Variants in EPS8 observed in about 807,000 individuals in gnomAD.
The protein encoded by EPS8 is epidermal growth factor receptor kinase substrate 8.
In EPS8, 42 loss-of-function variants were observed where a neutral mutation model predicts 103.8. The ratio of observed to expected loss-of-function variants is 0.40; its 90% CI spans 0.32 to 0.52. The LOEUF (loss-of-function observed/expected upper bound fraction) is 0.52. Ranked by LOEUF, EPS8 falls within the 20% of genes least tolerant of loss-of-function variation. The pLI, the probability that EPS8 is intolerant of heterozygous loss-of-function variation, is 0.40. For missense variants in EPS8, 969 were observed against 1,005.1 expected (o/e 0.96, Z 0.49); for synonymous variants, 344 against 344.6 (o/e 1.00, Z 0.02).
chr12:15,654,275 C>T lies in EPS8; in HGVS notation c.1120G>A (p.Gly374Ser). 1 of 1,613,176 alleles carries T rather than the reference C, an allele frequency of 6.2e-7. No homozygotes were observed. Among genetic ancestry groups the T allele is most frequent in the South Asian group, 1.1e-5 (1 of 91,034 alleles). ...AGTACTGAACTGGCTAGTTCAGGAC[C>T]TCCTGTTGCCTGCACCACCTAAGAT... Reference protein sequence around the residue: ...PLNMVVQATGGPELASSVLSP... With the variant: ...PLNMVVQATGSPELASSVLSP... Residue 374 changes from glycine (G) to serine (S), a missense_variant, in exon 13 of 21, where the codon GGT becomes AGT. Transcript: ENST00000281172.
chr12:15,647,560 C>G (rs886933393), intron 14 of EPS8, among the ~76,000 whole-genome samples: 18 of 152,176 alleles, frequency 1.2e-4, no homozygotes, highest in Non-Finnish European at 2.4e-4. Flanking sequence ...TAAAATTATA[C>G]CGGCTTCTCA....
chr12:15,653,923 C>T (rs1945461386), intron 13 of EPS8, among the ~76,000 whole-genome samples: 1 of 152,182 alleles, frequency 6.6e-6, no homozygotes, highest in Non-Finnish European at 1.5e-5. Flanking sequence ...TCCCCCTTGC[C>T]AACCAACAGC....
In EPS8 at chr12:15,778,412, CA is replaced by C. The variant is rs1286155432; in HGVS notation, c.-22+10748del. 1.3e-5 allele frequency among the ~76,000 whole-genome samples: 2 copies of C among 152,132 alleles called. No homozygotes were observed. Among genetic ancestry groups the C allele is most frequent in the Non-Finnish European group, 2.9e-5 (2 of 68,028 alleles). On this transcript the variant is annotated intron_variant, in intron 1 of 20. Transcript: ENST00000281172. The surrounding 1 kb of genome is among the most constrained non-coding windows in gnomAD (Gnocchi z 4.5). ...TTATTCAGAATCTAACAAGGCCCCACAAAGGAGCTAAATAAAAGAACTACTG... is the reference window on the plus strand; with the variant it reads ...TTATTCAGAATCTAACAAGGCCCCACAAGGAGCTAAATAAAAGAACTACTG...
chr12:15,665,740 T>C lies in EPS8; in HGVS notation c.736+16A>G. The C allele has an allele frequency of 6.2e-7, 1 of 1,613,168 alleles. No individual in the cohort carries two copies. The highest frequency in any genetic ancestry group is 8.5e-7 in the Non-Finnish European group (1 of 1,179,656). On this transcript the variant is annotated intron_variant, in intron 8 of 20. Coordinates refer to ENST00000281172, the MANE Select transcript of EPS8 (RefSeq NM_004447.6). ...AAAGTAAGTGTTCAATAAGTATTAA[T>C]TCTAGGAAGACTCACAGTCCCCTTG...
In EPS8 at chr12:15,717,861, G is replaced by T. The variant is rs750003853; in HGVS notation, c.-21-34889C>A. 1.3e-5 allele frequency among the ~76,000 whole-genome samples: 2 copies of T among 152,116 alleles called. No individual in the cohort carries two copies. Among genetic ancestry groups the T allele is most frequent in the South Asian group, 2.1e-4 (1 of 4,830 alleles). ...GGCAATGTTTAGGAATGCATTAAGG[G>T]AAACACCACACAAACTTATTTGATT... On this transcript the variant is annotated intron_variant, in intron 1 of 20. Transcript: ENST00000281172. This position sits in a 1 kb window ranked among gnomAD's most constrained non-coding sequence, Gnocchi z 4.3.
At position 15,781,472 on chromosome 12, in the gene EPS8, G is replaced by T. The variant is rs1026404718; in HGVS notation, c.-22+7689C>A. Among the ~76,000 whole-genome samples, 2 of 152,016 alleles carry T rather than the reference G, an allele frequency of 1.3e-5. No individual in the cohort carries two copies. Among genetic ancestry groups the T allele is most frequent in the African/African-American group, 4.8e-5 (2 of 41,378 alleles). Reference sequence around the variant, plus strand: ...GACACAAGTCACTTTTTCTTTCTGGGCCTATTCCTTTATCTGTAATTCTGA... The same window carrying T: ...GACACAAGTCACTTTTTCTTTCTGGTCCTATTCCTTTATCTGTAATTCTGA... On this transcript the variant is annotated intron_variant, in intron 1 of 20. Coordinates refer to ENST00000281172, the MANE Select transcript of EPS8 (RefSeq NM_004447.6). This position sits in a 1 kb window ranked among gnomAD's most constrained non-coding sequence, Gnocchi z 4.1.
Position 15,759,014 on chromosome 12 carries a change from TAC to T in EPS8, c.-22+30145_-22+30146del, listed in dbSNP as rs571415305. On this transcript the variant is annotated intron_variant, in intron 1 of 20. Coordinates refer to ENST00000281172, the MANE Select transcript of EPS8 (RefSeq NM_004447.6). This position sits in a 1 kb window ranked among gnomAD's most constrained non-coding sequence, Gnocchi z 4.9. Reference sequence around the variant, plus strand: ...CTCCAGCCTGGATTCTGGATTCTTCTACAGATTTTTTTTTAAAATTTTTTAAT... The same window carrying T: ...CTCCAGCCTGGATTCTGGATTCTTCTAGATTTTTTTTTAAAATTTTTTAAT... Among the ~76,000 whole-genome samples, 33 of 152,250 alleles carry T rather than the reference TAC, an allele frequency of 2.2e-4. No homozygotes were observed. The highest frequency in any genetic ancestry group is 7.7e-4 in the African/African-American group (32 of 41,566).
chr12:15,697,474 G>A lies in EPS8; in HGVS notation c.-21-14502C>T, dbSNP rs1946258292. Reference sequence around the variant, plus strand: ...TTACATGTGTCATTTTCTTTTAATTGTCACAACTGCCTCATGAAGTAGGAA... The same window carrying A: ...TTACATGTGTCATTTTCTTTTAATTATCACAACTGCCTCATGAAGTAGGAA... On this transcript the variant is annotated intron_variant, in intron 1 of 20. Coordinates refer to ENST00000281172, the MANE Select transcript of EPS8 (RefSeq NM_004447.6). The surrounding 1 kb of genome is among the most constrained non-coding windows in gnomAD (Gnocchi z 5.6). 6.6e-6 allele frequency among the ~76,000 whole-genome samples: 1 copy of A among 152,172 alleles called. No homozygotes were observed. The highest frequency in any genetic ancestry group is 1.5e-5 in the Non-Finnish European group (1 of 68,034).
intron 1 of EPS8, among the ~76,000 whole-genome samples, chr12:15,758,517 G>T (rs567565423): frequency 2.6e-5 from 4 of 152,146 alleles, no homozygotes; most frequent in Admixed American, 2.0e-4. Flanking sequence ...GGTATGTAAG[G>T]AACTGAATTA....
chr12:15,657,131 C>A (rs923906771), intron 12 of EPS8, among the ~76,000 whole-genome samples: 11 of 152,162 alleles, frequency 7.2e-5, no homozygotes, highest in Non-Finnish European at 5.9e-5. Flanking sequence ...CTGCTGATAT[C>A]ATCTCTTTCT....
rs112331214 is a variant in EPS8 at position 15,735,027 on chromosome 12, T to TA, written c.-21-52056dup. Among the ~76,000 whole-genome samples, 1,698 of 152,260 alleles carry TA rather than the reference T, an allele frequency of 0.011. 28 individuals are homozygous for TA. The highest frequency in any genetic ancestry group is 0.037 in the African/African-American group (1,538 of 41,534). On this transcript the variant is annotated intron_variant, in intron 1 of 20. Coordinates refer to ENST00000281172, the MANE Select transcript of EPS8 (RefSeq NM_004447.6). This position sits in a 1 kb window ranked among gnomAD's most constrained non-coding sequence, Gnocchi z 4.4. ...GTATTGACAGGGAGCTCCGAATGCC[T>TA]AGCCTGGAACCCTCACCACGACTTC...
In EPS8 at chr12:15,696,468, C is replaced by T. The variant is rs1206237147; in HGVS notation, c.-21-13496G>A. Among the ~76,000 whole-genome samples, 1 of 152,000 alleles carries T rather than the reference C, an allele frequency of 6.6e-6. No homozygotes were observed. Among genetic ancestry groups the T allele is most frequent in the Non-Finnish European group, 1.5e-5 (1 of 67,992 alleles). On this transcript the variant is annotated intron_variant, in intron 1 of 20. Coordinates refer to ENST00000281172, the MANE Select transcript of EPS8 (RefSeq NM_004447.6). The surrounding 1 kb of genome is among the most constrained non-coding windows in gnomAD (Gnocchi z 4.8). ...CAGCCTGGCCAGCATCGTGAAACCC[C>T]ATTTTTACTAAAAATACAAAAAATT...
chr12:15,643,916 C>T (rs1369373856), intron 15 of EPS8, among the ~76,000 whole-genome samples: 1 of 152,134 alleles, frequency 6.6e-6, no homozygotes, highest in Non-Finnish European at 1.5e-5. Flanking sequence ...CATCTGACAG[C>T]AGTAAGCTAT....
chr12:15,660,800 T>C, intron 9 of EPS8, 60 bp from the exon 10 acceptor site: 1 of 992,490 alleles, frequency 1.0e-6, no homozygotes, highest in Non-Finnish European at 1.5e-6. Flanking sequence ...TTAGCTGTAC[T>C]CTGTTAGTAA....
In EPS8 at chr12:15,697,300, G is replaced by A. The variant is rs947699147; in HGVS notation, c.-21-14328C>T. On this transcript the variant is annotated intron_variant, in intron 1 of 20. Transcript: ENST00000281172. This position sits in a 1 kb window ranked among gnomAD's most constrained non-coding sequence, Gnocchi z 5.6. ...GCATAACTGCTGTCCCCCATTCTAA[G>A]CCAAATGGTGGTACAAAATCAGGGC... Among the ~76,000 whole-genome samples, 2 of 152,216 alleles carry A rather than the reference G, an allele frequency of 1.3e-5. No individual in the cohort carries two copies. The highest frequency in any genetic ancestry group is 2.4e-5 in the African/African-American group (1 of 41,440).
rs1359768733 is a variant in EPS8 at position 15,725,761 on chromosome 12, T to C, written c.-21-42789A>G. On this transcript the variant is annotated intron_variant, in intron 1 of 20. Coordinates refer to ENST00000281172, the MANE Select transcript of EPS8 (RefSeq NM_004447.6). This position sits in a 1 kb window ranked among gnomAD's most constrained non-coding sequence, Gnocchi z 4.5. ...GATGGAAAAATATGAATTTTAAAAA[T>C]TTACAAGCTCTGTCAACATACAAGT... Among the ~76,000 whole-genome samples the C allele has an allele frequency of 2.6e-5, 4 of 152,210 alleles. No individual in the cohort carries two copies. Among genetic ancestry groups the C allele is most frequent in the African/African-American group, 9.6e-5 (4 of 41,462 alleles).
chr12:15,780,144 T>TA lies in EPS8; in HGVS notation c.-22+9016dup, dbSNP rs1169949314. On this transcript the variant is annotated intron_variant, in intron 1 of 20. Transcript: ENST00000281172. This position sits in a 1 kb window ranked among gnomAD's most constrained non-coding sequence, Gnocchi z 4.1. Reference sequence around the variant, plus strand: ...TAGAAGAGAAGATTTATGCAATTCTTAAACAGGTTTGGTATCTTTATTCTC... The same window carrying TA: ...TAGAAGAGAAGATTTATGCAATTCTTAAAACAGGTTTGGTATCTTTATTCTC... The TA allele has an allele frequency of 6.6e-6, 1 of 152,230 alleles. No individual in the cohort carries two copies. Among genetic ancestry groups the TA allele is most frequent in the African/African-American group, 2.4e-5 (1 of 41,452 alleles). The allele number at this position is 152,230 out of a possible 1,614,324, so 9.4% of individuals were successfully genotyped here. A position where few individuals can be genotyped will look rare whatever the true frequency, so the allele number is the denominator to read the frequency against.
intron 1 of EPS8, among the ~76,000 whole-genome samples, chr12:15,687,265 T>C (rs531343641): frequency 6.6e-6 from 1 of 152,268 alleles, no homozygotes; most frequent in African/African-American, 2.4e-5. Flanking sequence ...TTTTTTCAAA[T>C]ATCAATTAAC....
intron 1 of EPS8, among the ~76,000 whole-genome samples, chr12:15,773,341 C>T (rs1947174337): frequency 6.6e-6 from 1 of 152,052 alleles, no homozygotes; most frequent in Non-Finnish European, 1.5e-5. Context: ...TTTTACTATG[C>T]TCTGGTTTAA....
Sources: allele counts gnomAD v4.1 joint callset (sites outside exome capture counted in the v4.1 genomes callset), GRCh38; gene constraint gnomAD v4.1.1; non-coding constraint Gnocchi (gnomAD v3.1); transcripts MANE v1.5; gene names NCBI Gene and HGNC (gene_info 2026-07-23, HGNC 2026-07-21).